CAPZB: variants seen among roughly 807,000 people sequenced by gnomAD.
The protein encoded by CAPZB is capping actin protein of muscle Z-line subunit beta.
CAPZB carries 2 observed loss-of-function variants against 38.1 expected under a neutral mutation model. The observed-to-expected ratio is 0.05, with a 90% confidence interval of 0.02 to 0.17. The LOEUF is 0.17. Among genes scored for constraint, CAPZB ranks in the 10% least tolerant of loss-of-function variants. The pLI, the probability that CAPZB is intolerant of heterozygous loss-of-function variation, is 1.00. For synonymous variants in CAPZB, 107 were observed against 127.4 expected (o/e 0.84, Z 1.08); for missense variants, 161 against 334.2 (o/e 0.48, Z 4.04).
rs1212334949 is a variant in CAPZB, at chr1:19,378,603, G to A, written c.266C>T (p.Pro89Leu). 6.2e-7 allele frequency: 1 copy of A among 1,613,430 alleles called. No homozygotes were observed. Among genetic ancestry groups the A allele is most frequent in the Non-Finnish European group, 8.5e-7 (1 of 1,179,374 alleles). Residue 89 changes from proline to leucine, a missense_variant, in exon 4 of 9, where the codon CCG becomes CTG. By Grantham distance (98) the Pro-to-Leu change is moderately conservative (BLOSUM62 -3). Coordinates refer to ENST00000264202, the MANE Select transcript of CAPZB (RefSeq NM_004930.5). ...CTCCAGCTTTCTCAGCCGAGCTGAC[G>A]GCATGGCCCCATCCTCCAAGGGAGG... is the stretch of plus-strand genomic sequence containing the variant. ...YDPPLEDGAM[P>L]SARLRKLEVE...
At chr1:19,416,031 C>T (rs767076772) in intron 2 of CAPZB, among the ~76,000 whole-genome samples, 2 of 152,208 alleles carry the variant, frequency 1.3e-5, no homozygotes, top group Non-Finnish European at 2.9e-5. Context: ...TAGACAAGGC[C>T]CCAGGTGGCC....
chr1:19,442,340 G>A (rs1420514924), intron 1 of CAPZB, among the ~76,000 whole-genome samples: 1 of 152,156 alleles, frequency 6.6e-6, no homozygotes, highest in Non-Finnish European at 1.5e-5. Flanking sequence ...TCGAGCTGGG[G>A]AGTGGGGGGG....
chr1:19,340,358 C>T (rs549063984), intron 8 of CAPZB, among the ~76,000 whole-genome samples: 181 of 152,352 alleles, frequency 1.2e-3, no homozygotes, highest in Non-Finnish European at 2.1e-3. Flanking sequence ...CCCCTGGGAT[C>T]CCTGCTGTCA....
intron 1 of CAPZB, among the ~76,000 whole-genome samples, chr1:19,420,589 T>A (rs1422958643): frequency 6.9e-6 from 1 of 145,674 alleles, no homozygotes; most frequent in Non-Finnish European, 1.5e-5. Flanking sequence ...GCTAATTTTG[T>A]AGTTTTTTTT....
At chr1:19,349,872 C>T (rs1220017345) in intron 6 of CAPZB, among the ~76,000 whole-genome samples, 1 of 152,226 alleles carries the variant, frequency 6.6e-6, no homozygotes, top group African/African-American at 2.4e-5. Context: ...CTGCTCACTC[C>T]CCTCCACACC....
chr1:19,473,618 C>G (rs2094597099), intron 1 of CAPZB, among the ~76,000 whole-genome samples: 1 of 152,174 alleles, frequency 6.6e-6, no homozygotes, highest in Non-Finnish European at 1.5e-5. Flanking sequence ...AATCCCAGCA[C>G]TTTGGGAGGC....
At chr1:19,466,734 G>C (rs997817882) in intron 1 of CAPZB, among the ~76,000 whole-genome samples, 2 of 152,180 alleles carry the variant, frequency 1.3e-5, no homozygotes, top group African/African-American at 2.4e-5. Flanking sequence ...ATGCTGTGCA[G>C]GCCAATGGGG....
At chr1:19,484,078 T>G (rs2094640906) in intron 1 of CAPZB, 2 of 1,116,390 alleles carry the variant, frequency 1.8e-6, no homozygotes, top group South Asian at 3.0e-5. Flanking sequence ...GGTCTATCTG[T>G]GGGGGCCTAT....
intron 1 of CAPZB, 81 bp from the exon 2 acceptor site, chr1:19,419,831 C>A (rs2094394525): frequency 3.5e-6 from 3 of 857,966 alleles, no homozygotes; most frequent in Non-Finnish European, 5.6e-6. Context: ...GCATGCTTGC[C>A]CAAGGCATTC....
At chr1:19,484,119 T>C (rs1037400129) in intron 1 of CAPZB, 432 of 1,515,062 alleles carry the variant, frequency 2.9e-4, no homozygotes, top group Non-Finnish European at 3.6e-4. Context: ...AAAGTCTGGA[T>C]AGCATCTGCC....
At chr1:19,464,037 A>C (rs1449746061) in intron 1 of CAPZB, among the ~76,000 whole-genome samples, 5 of 133,720 alleles carry the variant, frequency 3.7e-5, no homozygotes, top group African/African-American at 1.4e-4. Flanking sequence ...AAAAAAAAAA[A>C]TTAGCTGGAT....
rs370957079 is a variant in CAPZB, at chr1:19,356,708, G to A, written c.515C>T (p.Thr172Met). 1 of 1,614,116 alleles carries A rather than the reference G, an allele frequency of 6.2e-7. No individual in the cohort carries two copies. The highest frequency in any genetic ancestry group is 2.2e-5 in the East Asian group (1 of 44,880). The change falls in exon 6 of 9, where the codon ACG becomes ATG. Residue 172 changes from threonine to methionine, a missense_variant. Transcript: ENST00000264202. The surrounding 1 kb of genome is among the most constrained non-coding windows in gnomAD (Gnocchi z 4.3). ...GTTGGTCTGCAGCCACAGCATCACC[G>A]TGGAGGTCAACTTGTAATGGGCGGT... ...GRTAHYKLTS[T>M]VMLWLQTNKS...
At chr1:19,427,887 T>C (rs2094428822) in intron 1 of CAPZB, among the ~76,000 whole-genome samples, 2 of 152,226 alleles carry the variant, frequency 1.3e-5, no homozygotes, top group Non-Finnish European at 1.5e-5. Context: ...AATGTCATCT[T>C]TTTAAATTGA....
chr1:19,471,564 C>T (rs1383337409), intron 1 of CAPZB, among the ~76,000 whole-genome samples: 3 of 89,994 alleles, frequency 3.3e-5, no homozygotes, highest in Non-Finnish European at 8.6e-5. Context: ...TTGTCTGTTA[C>T]GTCGAGAAAT....
intron 2 of CAPZB, among the ~76,000 whole-genome samples, chr1:19,405,282 A>G (rs2094325144): frequency 6.6e-6 from 1 of 152,138 alleles, no homozygotes; most frequent in Non-Finnish European, 1.5e-5. Flanking sequence ...GATAGAGGTG[A>G]GCATCATGGC....
intron 8 of CAPZB, among the ~76,000 whole-genome samples, chr1:19,340,312 C>T (rs149419813): frequency 2.0e-5 from 3 of 152,310 alleles, no homozygotes; most frequent in Non-Finnish European, 4.4e-5. Flanking sequence ...AACCCCTCAG[C>T]CCGGATTGCA....
At chr1:19,430,034 A>G (rs2094437063) in intron 1 of CAPZB, among the ~76,000 whole-genome samples, 2 of 151,984 alleles carry the variant, frequency 1.3e-5, no homozygotes, top group Admixed American at 1.3e-4. Flanking sequence ...CCTCTGCTCC[A>G]TTTCCCCAGC....
At chr1:19,347,703 G>A (rs749301137) in intron 6 of CAPZB, among the ~76,000 whole-genome samples, 22 of 152,194 alleles carry the variant, frequency 1.4e-4, no homozygotes, top group African/African-American at 4.6e-4. Flanking sequence ...GATGGTCACA[G>A]GGTTAATACG....
intron 4 of CAPZB, among the ~76,000 whole-genome samples, chr1:19,366,044 G>C (rs2094082785): frequency 7.4e-6 from 1 of 134,796 alleles, no homozygotes; most frequent in Admixed American, 8.3e-5. Flanking sequence ...GCTCCAACAT[G>C]TAAGATTCCA....
Sources: gnomAD v4.1 joint callset for allele counts (sites outside exome capture counted in the v4.1 genomes callset) on GRCh38, gnomAD v4.1.1 for gene constraint, Gnocchi (gnomAD v3.1) non-coding constraint, MANE v1.5 for transcripts, NCBI Gene and HGNC (gene_info 2026-07-23, HGNC 2026-07-21) for gene names.